Variants in KCNIP4 observed in about 807,000 individuals in gnomAD.
KCNIP4 encodes the protein potassium voltage-gated channel interacting protein 4.
In KCNIP4, 12 loss-of-function variants were observed where a neutral mutation model predicts 34.0. That is an observed-to-expected ratio of 0.35 (90% CI 0.23 to 0.57). The LOEUF (loss-of-function observed/expected upper bound fraction) is 0.57, where lower values mean the gene tolerates loss of function less well. Among genes scored for constraint, KCNIP4 ranks in the 20% least tolerant of loss-of-function variants. KCNIP4 has a pLI of 0.83. For synonymous variants in KCNIP4, 124 were observed against 102.2 expected, an observed-to-expected ratio of 1.21 and a Z score of -1.29; for missense variants, 238 against 311.7, an observed-to-expected ratio of 0.76 and a Z score of 1.78.
intron 1 of KCNIP4, chr4:21,718,617 A>C (rs1486740452): frequency 6.6e-6 from 1 of 152,130 alleles, no homozygotes; most frequent in Non-Finnish European, 1.5e-5. Context: ...TGCCTTCTTC[A>C]AAAGCCAAAC....
At chr4:21,395,144 ATCT>A (rs1379849690) in intron 1 of KCNIP4, among the ~76,000 whole-genome samples, 4 of 152,296 alleles carry the variant, frequency 2.6e-5, no homozygotes, top group African/African-American at 9.6e-5. Context: ...GCAGAAAGAA[ATCT>A]TCTTAAAACT....
intron 1 of KCNIP4, among the ~76,000 whole-genome samples, chr4:21,239,594 C>T (rs906178272): frequency 6.4e-4 from 97 of 152,154 alleles, no homozygotes; most frequent in African/African-American, 1.9e-3. Flanking sequence ...CAAAAGAAGA[C>T]ATTTATGCAG....
At chr4:21,150,423 T>G (rs1752675173) in intron 1 of KCNIP4, among the ~76,000 whole-genome samples, 1 of 144,900 alleles carries the variant, frequency 6.9e-6, no homozygotes, top group African/African-American at 2.9e-5. Context: ...TCTGATGTTC[T>G]GGGATGGCTC....
chr4:21,722,974 AAAAC>A (rs745922808), intron 1 of KCNIP4, among the ~76,000 whole-genome samples: 10 of 152,178 alleles, frequency 6.6e-5, no homozygotes, highest in South Asian at 2.1e-4. Flanking sequence ...TCTTCAGACA[AAAAC>A]AAACAAACAA....
chr4:21,604,965 T>C (rs1042157868), intron 1 of KCNIP4, among the ~76,000 whole-genome samples: 3 of 152,194 alleles, frequency 2.0e-5, no homozygotes, highest in African/African-American at 7.2e-5. Flanking sequence ...AATGGACAGT[T>C]AGTCTAGTGA....
At chr4:21,667,332 T>G (rs1377406734) in intron 1 of KCNIP4, among the ~76,000 whole-genome samples, 1 of 152,202 alleles carries the variant, frequency 6.6e-6, no homozygotes, top group Non-Finnish European at 1.5e-5. Context: ...ACATGTCCGT[T>G]AATTCAAAAA....
intron 1 of KCNIP4, among the ~76,000 whole-genome samples, chr4:21,425,886 T>C (rs967940116): frequency 6.7e-5 from 9 of 134,790 alleles, no homozygotes; most frequent in South Asian, 2.3e-4. Context: ...CCCATCTCTA[T>C]AGAAAAAAAT....
intron 1 of KCNIP4, among the ~76,000 whole-genome samples, chr4:21,032,190 G>T (rs996962694): frequency 1.3e-5 from 2 of 152,144 alleles, no homozygotes; most frequent in African/African-American, 2.4e-5. Context: ...AGAAACAAAG[G>T]ATAAAGAAAG....
At chr4:21,153,834 A>T (rs578163489) in intron 1 of KCNIP4, among the ~76,000 whole-genome samples, 82 of 152,196 alleles carry the variant, frequency 5.4e-4, no homozygotes, top group African/African-American at 1.9e-3. Flanking sequence ...AAAATCACAC[A>T]TCATGAGTTC....
At chr4:21,159,318 T>G (rs866854157) in intron 1 of KCNIP4, among the ~76,000 whole-genome samples, 20 of 152,216 alleles carry the variant, frequency 1.3e-4, no homozygotes, top group Admixed American at 1.2e-3. Context: ...ATATTGATTT[T>G]TAATAATGCT....
At chr4:21,522,175 A>G (rs1438663530) in intron 1 of KCNIP4, among the ~76,000 whole-genome samples, 2 of 152,172 alleles carry the variant, frequency 1.3e-5, no homozygotes, top group African/African-American at 4.8e-5. Flanking sequence ...CAGTCTACAC[A>G]TAATCATCCC....
At chr4:21,494,566 A>G (rs1274802904) in intron 1 of KCNIP4, among the ~76,000 whole-genome samples, 2 of 152,060 alleles carry the variant, frequency 1.3e-5, no homozygotes, top group African/African-American at 2.4e-5. Context: ...TGAGGTCAGG[A>G]GTTCGAGACC....
chr4:21,020,210 T>C (rs1447281009), intron 1 of KCNIP4, among the ~76,000 whole-genome samples: 1 of 152,170 alleles, frequency 6.6e-6, no homozygotes, highest in African/African-American at 2.4e-5. Context: ...TCTATGTCCT[T>C]GACTATTCTC....
At chr4:20,921,796 T>G (rs1729410238) in intron 1 of KCNIP4, among the ~76,000 whole-genome samples, 1 of 152,206 alleles carries the variant, frequency 6.6e-6, no homozygotes, top group Non-Finnish European at 1.5e-5. Flanking sequence ...TTTGTTGAAT[T>G]GCTAAAAACA....
intron 1 of KCNIP4, among the ~76,000 whole-genome samples, chr4:21,566,097 C>A (rs1156340863): frequency 2.0e-5 from 3 of 152,164 alleles, no homozygotes; most frequent in Admixed American, 6.5e-5. Flanking sequence ...TAAAGAAACA[C>A]AGTCAATGTC....
chr4:21,885,303 T>C (rs1211051062), intron 1 of KCNIP4, among the ~76,000 whole-genome samples: 2 of 152,170 alleles, frequency 1.3e-5, no homozygotes, highest in African/African-American at 2.4e-5. Context: ...AGGAAGCCAC[T>C]ACATTCTGTA....
rs188645144 is a variant in KCNIP4, at chr4:21,277,908, C to G, written c.62-395199G>C. Among the ~76,000 whole-genome samples, 73 of 152,182 alleles carry G rather than the reference C, an allele frequency of 4.8e-4. 1 individual carries two copies. The highest frequency in any genetic ancestry group is 3.0e-3 in the Admixed American group (46 of 15,286). ...TAAAGATAAAATGCTAAACAGCTTC[C>G]AGACAGAAAAAATAAAATAGGTTAG... On this transcript the variant is annotated intron_variant, in intron 1 of 8. Coordinates refer to ENST00000382152, the MANE Select transcript of KCNIP4 (RefSeq NM_025221.6).
intron 1 of KCNIP4, among the ~76,000 whole-genome samples, chr4:21,182,448 G>C (rs904827019): frequency 1.4e-5 from 2 of 146,068 alleles, no homozygotes; most frequent in African/African-American, 5.2e-5. Context: ...TTCCTTTCCT[G>C]TCTTTCTTTT....
At chr4:21,654,962 T>G (rs1014884536) in intron 1 of KCNIP4, among the ~76,000 whole-genome samples, 4 of 152,148 alleles carry the variant, frequency 2.6e-5, no homozygotes, top group African/African-American at 9.6e-5. Context: ...GTATGACTAG[T>G]CTGCAAAGGG....
Sources: gnomAD v4.1 joint callset for allele counts (sites outside exome capture counted in the v4.1 genomes callset) on GRCh38, gnomAD v4.1.1 for gene constraint, MANE v1.5 for transcripts, NCBI Gene and HGNC (gene_info 2026-07-23, HGNC 2026-07-21) for gene names.